The following RBFOX1 variants were observed in gnomAD, a reference collection of about 807,000 sequenced individuals.
RBFOX1 encodes the protein RNA binding fox-1 homolog 1.
In RBFOX1, 8 loss-of-function variants were observed where a neutral mutation model predicts 57.7. The observed-to-expected ratio is 0.14, with a 90% CI of 0.08 to 0.25. The LOEUF is 0.25. Among genes scored for constraint, RBFOX1 ranks in the 10% least tolerant of loss-of-function variants. The pLI, the probability that RBFOX1 is intolerant of heterozygous loss-of-function variation, is 1.00. For missense variants in RBFOX1, 611 were observed against 548.5 expected (o/e 1.11, Z -1.14); for synonymous variants, 326 against 222.4 (o/e 1.47, Z -4.15).
chr16:6,804,910 G>C (rs1239310653), intron 3 of RBFOX1, among the ~76,000 whole-genome samples: 5 of 152,126 alleles, frequency 3.3e-5, no homozygotes, highest in Non-Finnish European at 7.3e-5. Context: ...AAAACAAAAA[G>C]CGAGATTCAA....
At chr16:6,045,503 A>G (rs1035867961) in intron 1 of RBFOX1, among the ~76,000 whole-genome samples, 1 of 152,230 alleles carries the variant, frequency 6.6e-6, no homozygotes, top group African/African-American at 2.4e-5. Context: ...CTGTTTATTC[A>G]TTCATGCATT....
intron 3 of RBFOX1, among the ~76,000 whole-genome samples, chr16:5,858,963 C>T (rs1412066839): frequency 6.6e-6 from 1 of 152,134 alleles, no homozygotes; most frequent in African/African-American, 2.4e-5. Context: ...GCCTGTAATC[C>T]CAGCCCTTTG....
At chr16:7,074,262 A>G (rs1432401254) in intron 4 of RBFOX1, among the ~76,000 whole-genome samples, 1 of 152,266 alleles carries the variant, frequency 6.6e-6, no homozygotes. Flanking sequence ...AAAGATGGAC[A>G]TGATGAGTTC....
chr16:6,289,027 G>A (rs899742738), intron 1 of RBFOX1, among the ~76,000 whole-genome samples: 2 of 152,146 alleles, frequency 1.3e-5, no homozygotes, highest in African/African-American at 4.8e-5. Context: ...AATCTGAACA[G>A]AATGAGCTTT....
chr16:5,705,093 G>A (rs977146495), intron 3 of RBFOX1, among the ~76,000 whole-genome samples: 2 of 152,112 alleles, frequency 1.3e-5, no homozygotes, highest in African/African-American at 4.8e-5. Context: ...TCATTGAGGA[G>A]TAGGCGAAAT....
At chr16:5,578,636 G>A (rs949825259) in intron 2 of RBFOX1, among the ~76,000 whole-genome samples, 1 of 152,086 alleles carries the variant, frequency 6.6e-6, no homozygotes, top group Non-Finnish European at 1.5e-5. Context: ...TATTAATTTA[G>A]CGCCAACAGC....
intron 2 of RBFOX1, among the ~76,000 whole-genome samples, chr16:5,478,704 C>G (rs543919399): frequency 5.1e-4 from 77 of 152,174 alleles, no homozygotes; most frequent in Non-Finnish European, 9.6e-4. Context: ...CCCTGGTAGG[C>G]TTTCCTGTGT....
At chr16:6,393,114 C>T (rs1182993540) in intron 2 of RBFOX1, among the ~76,000 whole-genome samples, 1 of 152,224 alleles carries the variant, frequency 6.6e-6, no homozygotes, top group Non-Finnish European at 1.5e-5. Context: ...GAGGCTTTAA[C>T]TATGAGTATA....
intron 2 of RBFOX1, among the ~76,000 whole-genome samples, chr16:6,576,497 C>T (rs1293441869): frequency 1.3e-5 from 2 of 152,162 alleles, no homozygotes; most frequent in Non-Finnish European, 2.9e-5. Context: ...ACTGTTCATT[C>T]TTCTAAGGGT....
intron 3 of RBFOX1, among the ~76,000 whole-genome samples, chr16:5,728,820 C>A (rs1213562375): frequency 6.6e-6 from 1 of 152,282 alleles, no homozygotes; most frequent in Admixed American, 6.5e-5. Context: ...TCCCTCCCCA[C>A]CTCCAGCAAA....
chr16:6,964,657 C>G (rs754234306), intron 3 of RBFOX1, among the ~76,000 whole-genome samples: 1 of 152,152 alleles, frequency 6.6e-6, no homozygotes, highest in Non-Finnish European at 1.5e-5. Flanking sequence ...TACATTTTGA[C>G]AAACTCATTC....
chr16:7,295,686 A>C (rs2095874970), intron 4 of RBFOX1, among the ~76,000 whole-genome samples: 1 of 151,886 alleles, frequency 6.6e-6, no homozygotes, highest in African/African-American at 2.4e-5. Flanking sequence ...AGGGGAGTAC[A>C]CCTTTTGCAG....
At position 7,236,056 on chromosome 16, in the gene RBFOX1, G is replaced by C. The variant is rs1028373862; in HGVS notation, c.27+183958G>C. ...TATAAATAGTTCCTCAGATCAAAAA[G>C]ATCCTGGTTATTGTCTATCTGGACT... On this transcript the variant is annotated intron_variant, in intron 4 of 15. Transcript: ENST00000550418. Among the ~76,000 whole-genome samples, 165 of 152,280 alleles carry C rather than the reference G, an allele frequency of 1.1e-3. 2 individuals are homozygous for C. The highest frequency in any genetic ancestry group is 3.7e-3 in the African/African-American group (153 of 41,564).
intron 5 of RBFOX1, among the ~76,000 whole-genome samples, chr16:7,568,965 G>GCC (rs2092462465): frequency 6.7e-6 from 1 of 149,162 alleles, no homozygotes; most frequent in Non-Finnish European, 1.5e-5. Context: ...ATTTTATCCA[G>GCC]CCCCTATTCA....
chr16:6,554,548 C>T (rs768100933), intron 2 of RBFOX1, among the ~76,000 whole-genome samples: 3 of 152,146 alleles, frequency 2.0e-5, no homozygotes, highest in African/African-American at 2.4e-5. Context: ...AACTCTATCT[C>T]AATAAAACTG....
intron 2 of RBFOX1, among the ~76,000 whole-genome samples, chr16:6,553,795 A>G (rs1434459625): frequency 1.3e-5 from 2 of 152,170 alleles, no homozygotes; most frequent in Non-Finnish European, 2.9e-5. Flanking sequence ...CCTAAAGGGT[A>G]GAAGGAATTT....
At chr16:7,517,183 GTGTGTT>G (rs961442399) in intron 4 of RBFOX1, among the ~76,000 whole-genome samples, 3 of 133,842 alleles carry the variant, frequency 2.2e-5, no homozygotes, top group Admixed American at 1.5e-4. Context: ...GTGTGTGTGT[GTGTGTT>G]GTGGTAGAAC....
At chr16:6,040,775 C>T (rs2095428225) in intron 1 of RBFOX1, among the ~76,000 whole-genome samples, 1 of 151,918 alleles carries the variant, frequency 6.6e-6, no homozygotes, top group Non-Finnish European at 1.5e-5. Flanking sequence ...TTTGTATTTT[C>T]AGTAGAGACT....
intron 3 of RBFOX1, among the ~76,000 whole-genome samples, chr16:6,782,411 T>C (rs1370467733): frequency 6.6e-6 from 1 of 152,190 alleles, no homozygotes; most frequent in Non-Finnish European, 1.5e-5. Context: ...CCAGTAGTTA[T>C]TCAGGAGCAT....
Sources: allele counts gnomAD v4.1 joint callset (sites outside exome capture counted in the v4.1 genomes callset), GRCh38; gene constraint gnomAD v4.1.1; transcripts MANE v1.5; gene names NCBI Gene and HGNC (gene_info 2026-07-23, HGNC 2026-07-21).